The following RBFOX1 variants were observed in gnomAD, a reference collection of about 807,000 sequenced individuals.
The protein encoded by RBFOX1 is RNA binding fox-1 homolog 1, also known as RNA binding protein fox-1 homolog 1.
A neutral mutation model predicts 57.7 loss-of-function variants in RBFOX1; 8 were observed. The ratio of observed to expected loss-of-function variants is 0.14; its 90% CI spans 0.08 to 0.25. RBFOX1 has a LOEUF of 0.25. RBFOX1 is among the 10% of genes least tolerant of loss of function. RBFOX1 has a pLI of 1.00. For synonymous variants in RBFOX1, 326 were observed against 222.4 expected, an observed-to-expected ratio of 1.47 and a Z score of -4.15; for missense variants, 611 against 548.5, an observed-to-expected ratio of 1.11 and a Z score of -1.14.
intron 2 of RBFOX1, among the ~76,000 whole-genome samples, chr16:5,585,611 T>G (rs2046804522): frequency 6.6e-6 from 1 of 152,192 alleles, no homozygotes; most frequent in East Asian, 1.9e-4. Flanking sequence ...GACTATGGGA[T>G]ATCCCGATGA....
chr16:7,597,534 T>G, intron 9 of RBFOX1, 103 bp downstream of exon 9: 1 of 1,044,594 alleles, frequency 9.6e-7, no homozygotes, highest in South Asian at 1.6e-5. Context: ...GCCTGGGCAT[T>G]GACACTGTGT....
intron 3 of RBFOX1, among the ~76,000 whole-genome samples, chr16:6,912,244 C>T (rs1328047312): frequency 1.3e-5 from 2 of 152,174 alleles, no homozygotes; most frequent in Non-Finnish European, 2.9e-5. Context: ...GAGGGTACGT[C>T]AGAAGCACCT....
chr16:6,049,182 G>C (rs1377459858), intron 1 of RBFOX1, among the ~76,000 whole-genome samples: 1 of 149,682 alleles, frequency 6.7e-6, no homozygotes, highest in East Asian at 2.0e-4. Context: ...TCCTGCCTCA[G>C]CCTCCCAAGT....
intron 4 of RBFOX1, among the ~76,000 whole-genome samples, chr16:7,481,171 G>C (rs1456149946): frequency 6.6e-6 from 1 of 152,148 alleles, no homozygotes; most frequent in African/African-American, 2.4e-5. Flanking sequence ...AGGCTGTCTG[G>C]ATTAGAAACT....
At chr16:6,787,620 C>A (rs2082184614) in intron 3 of RBFOX1, among the ~76,000 whole-genome samples, 1 of 152,046 alleles carries the variant, frequency 6.6e-6, no homozygotes, top group Non-Finnish European at 1.5e-5. Flanking sequence ...TCCACTGTGA[C>A]CTTGGAGGCC....
chr16:6,354,228 GAC>G (rs373217744), intron 2 of RBFOX1, among the ~76,000 whole-genome samples: 25 of 149,712 alleles, frequency 1.7e-4, no homozygotes, highest in African/African-American at 4.7e-4. Context: ...TCAACACACA[GAC>G]ACACACACAC....
chr16:6,477,448 T>C (rs2095291266), intron 2 of RBFOX1, among the ~76,000 whole-genome samples: 1 of 152,188 alleles, frequency 6.6e-6, no homozygotes, highest in Admixed American at 6.5e-5. Flanking sequence ...GGTGACCAGA[T>C]GTGTTGTCAA....
At chr16:7,651,925 G>T (rs958280677) in intron 11 of RBFOX1, among the ~76,000 whole-genome samples, 1 of 152,194 alleles carries the variant, frequency 6.6e-6, no homozygotes, top group South Asian at 2.1e-4. Context: ...TATGGTGAGA[G>T]CACTGGGAGG....
At chr16:5,801,991 T>A (rs2055073592) in intron 3 of RBFOX1, among the ~76,000 whole-genome samples, 1 of 152,102 alleles carries the variant, frequency 6.6e-6, no homozygotes, top group Admixed American at 6.5e-5. Context: ...TCTGCCTGGG[T>A]CTGCTGGAGG....
intron 4 of RBFOX1, among the ~76,000 whole-genome samples, chr16:7,078,505 G>A (rs889779936): frequency 2.0e-5 from 3 of 151,736 alleles, no homozygotes; most frequent in African/African-American, 7.3e-5. Flanking sequence ...CTGCCATCAC[G>A]CCTGGCTAAT....
chr16:6,997,589 A>G (rs575129553), intron 3 of RBFOX1, among the ~76,000 whole-genome samples: 1 of 152,326 alleles, frequency 6.6e-6, no homozygotes, highest in Admixed American at 6.5e-5. Context: ...AAGATACAAA[A>G]GATAGACTGC....
intron 3 of RBFOX1, among the ~76,000 whole-genome samples, chr16:6,821,255 A>G (rs763063980): frequency 2.0e-5 from 3 of 152,116 alleles, no homozygotes; most frequent in Non-Finnish European, 4.4e-5. Flanking sequence ...GTCTCTTTAC[A>G]TCTAACCAGG....
rs1481469267 is a variant in RBFOX1 at position 7,193,151 on chromosome 16, T to C, written c.27+141053T>C. Reference sequence around the variant, plus strand: ...GATAGGCGCATTATCCTGGATTATCTGGATGGATCCAATAGGATTACATAG... The same window carrying C: ...GATAGGCGCATTATCCTGGATTATCCGGATGGATCCAATAGGATTACATAG... On this transcript the variant is annotated intron_variant, in intron 4 of 15. Transcript: ENST00000550418. Among the ~76,000 whole-genome samples, 3 of 152,220 alleles carry C rather than the reference T, an allele frequency of 2.0e-5. No individual in the cohort carries two copies. In the East Asian group the frequency reaches 5.8e-4, roughly 29 times the overall value.
intron 2 of RBFOX1, among the ~76,000 whole-genome samples, chr16:6,373,979 G>A (rs983155686): frequency 6.6e-6 from 1 of 152,098 alleles, no homozygotes; most frequent in African/African-American, 2.4e-5. Flanking sequence ...TTTATCTTTC[G>A]ATTCTTTGCA....
Position 7,550,368 on chromosome 16 carries a change from A to G in RBFOX1, c.271-29409A>G, listed in dbSNP as rs1004790470. Reference sequence around the variant, plus strand: ...CAATATGCATATCTGCTCTGGGGCTATAGAGGCAGCTGTGACGATGCCCAG... The same window carrying G: ...CAATATGCATATCTGCTCTGGGGCTGTAGAGGCAGCTGTGACGATGCCCAG... On this transcript the variant is annotated intron_variant, in intron 5 of 15. Coordinates refer to ENST00000550418, the MANE Select transcript of RBFOX1 (RefSeq NM_018723.4). 2.0e-5 allele frequency among the ~76,000 whole-genome samples: 3 copies of G among 152,034 alleles called. No individual in the cohort carries two copies. The East Asian group carries it at 5.8e-4, about 30-fold the overall frequency.
chr16:7,251,335 G>C (rs986735655), intron 4 of RBFOX1, among the ~76,000 whole-genome samples: 30 of 150,930 alleles, frequency 2.0e-4, no homozygotes, highest in Admixed American at 5.9e-4. Flanking sequence ...CAGTGTTGCA[G>C]TTGACAAGAA....
At chr16:5,782,564 G>T (rs1002362519) in intron 3 of RBFOX1, among the ~76,000 whole-genome samples, 1 of 152,326 alleles carries the variant, frequency 6.6e-6, no homozygotes, top group Non-Finnish European at 1.5e-5. Context: ...GAAGAAGACA[G>T]TGTCAGGATG....
At chr16:6,980,870 C>G (rs1200866463) in intron 3 of RBFOX1, among the ~76,000 whole-genome samples, 1 of 151,792 alleles carries the variant, frequency 6.6e-6, no homozygotes, top group East Asian at 1.9e-4. Flanking sequence ...TGTTGAAACC[C>G]CATCTGTACT....
intron 2 of RBFOX1, among the ~76,000 whole-genome samples, chr16:6,548,928 T>G (rs980116661): frequency 6.6e-6 from 1 of 150,712 alleles, no homozygotes; most frequent in African/African-American, 2.4e-5. Flanking sequence ...GTACAAAAAT[T>G]AGCTGGGCAT....
Sources: allele counts gnomAD v4.1 joint callset (sites outside exome capture counted in the v4.1 genomes callset), GRCh38; gene constraint gnomAD v4.1.1; transcripts MANE v1.5; gene names NCBI Gene and HGNC (gene_info 2026-07-23, HGNC 2026-07-21).